DHX8: variants seen among roughly 807,000 people sequenced by gnomAD.
The protein encoded by DHX8 is ATP-dependent RNA helicase DHX8.
In DHX8, 67 loss-of-function variants were observed where a neutral mutation model predicts 140.7. The ratio of observed to expected loss-of-function variants is 0.48; its 90% CI spans 0.39 to 0.58. DHX8 has a LOEUF of 0.58. DHX8 is among the 20% of genes least tolerant of loss of function. The pLI is 0.00. For missense variants in DHX8, 887 were observed against 1,550.7 expected (o/e 0.57, Z 7.19); for synonymous variants, 533 against 553.2 (o/e 0.96, Z 0.51).
At chr17:43,534,955 A>G (rs1288815836) in intron 2 of DHX8, among the ~76,000 whole-genome samples, 2 of 152,212 alleles carry the variant, frequency 1.3e-5, no homozygotes, top group Admixed American at 6.5e-5. Flanking sequence ...ATAAATAAAT[A>G]AAAGAATCTT....
chr17:43,498,733 G>A (rs1969017260), intron 9 of DHX8, 129 bp from the exon 10 acceptor site: 5 of 642,442 alleles, frequency 7.8e-6, no homozygotes, highest in Admixed American at 3.2e-5. Flanking sequence ...ACAGGCGTGA[G>A]CCACCATGCC....
chr17:43,494,208 C>A (rs902541662), intron 8 of DHX8, among the ~76,000 whole-genome samples: 3 of 152,162 alleles, frequency 2.0e-5, no homozygotes, highest in Non-Finnish European at 4.4e-5. Flanking sequence ...TACTCACTAT[C>A]GTGACAACAG....
intron 2 of DHX8, 22 bp from the exon 3 acceptor site, chr17:43,490,369 C>A: frequency 6.2e-7 from 1 of 1,602,576 alleles, no homozygotes; most frequent in Non-Finnish European, 8.5e-7. Flanking sequence ...TGACAATTTT[C>A]GTTCTATGTT....
intron 19 of DHX8, 125 bp downstream of exon 19, chr17:43,520,392 GT>G: frequency 8.2e-7 from 1 of 1,217,746 alleles, no homozygotes; most frequent in Non-Finnish European, 1.1e-6. Context: ...CTAAATGTTT[GT>G]TTTTAACCTG....
rs60214474 is a variant in DHX8, at chr17:43,543,276, A to ACTCTCTCTCT, written c.*21-874_*21-865dup. ...AGCAGCATGTAACTAACACACACAC[A>ACTCTCTCTCT]CTCTCTCTCTCTCTCTCTCTCACAC... On this transcript the variant is annotated intron_variant, in intron 3 of 3. Transcript: ENST00000589898. Among the ~76,000 whole-genome samples the ACTCTCTCTCT allele has an allele frequency of 9.4e-3, 1,295 of 138,234 alleles. 10 individuals carry two copies. The highest frequency in any genetic ancestry group is 0.023 in the African/African-American group (836 of 36,694). The allele number at this position is 138,234 out of a possible 152,430, so 90.7% of individuals were successfully genotyped here.
At chr17:43,501,047 G>T (rs1969164251) in intron 11 of DHX8, among the ~76,000 whole-genome samples, 1 of 151,806 alleles carries the variant, frequency 6.6e-6, no homozygotes, top group Admixed American at 6.6e-5. Flanking sequence ...GGCAACTGGG[G>T]ATACGATTTG....
At position 43,504,726 on chromosome 17, in the gene DHX8, TG is replaced by T. The variant is rs1969392678; in HGVS notation, c.1634del (p.Gly545AlafsTer26). On this transcript the variant is annotated frameshift_variant, in exon 12 of 23. Coordinates refer to ENST00000262415, the MANE Select transcript of DHX8 (RefSeq NM_004941.3). LOFTEE classifies it high-confidence loss of function. ...TTCCTGAGTGGAAGAAGCATGCCTT[TG>T]GGGGCAACAAAGCCTCTTACGGAAA... ...DIPEWKKHAF[G>X]GNKASYGKKT... The T allele has an allele frequency of 6.2e-7, 1 of 1,614,024 alleles. No homozygotes were observed. The highest frequency in any genetic ancestry group is 1.3e-5 in the African/African-American group (1 of 74,916).
chr17:43,497,383 T>A (rs1276003533), intron 9 of DHX8, among the ~76,000 whole-genome samples: 1 of 152,236 alleles, frequency 6.6e-6, no homozygotes, highest in Non-Finnish European at 1.5e-5. Context: ...TCTTTGTGAA[T>A]AATAGTATTT....
downstream of DHX8, chr17:43,526,171 C>T (rs2154586968): frequency 1.0e-6 from 1 of 985,402 alleles, no homozygotes; most frequent in East Asian, 1.1e-4. Context: ...GGGAGCTTGC[C>T]TGCTGCTCTC....
intron 20 of DHX8, 119 bp downstream of exon 20, chr17:43,520,998 TCTCA>T: frequency 1.3e-6 from 1 of 773,530 alleles, no homozygotes; most frequent in East Asian, 3.0e-5. Context: ...TGAGATGGAG[TCTCA>T]CTCTGTTGCC....
chr17:43,526,280 C>T (rs1970613113), downstream of DHX8: 2 of 1,357,952 alleles, frequency 1.5e-6, no homozygotes, highest in Admixed American at 3.0e-5. Flanking sequence ...GAGCTGGGAT[C>T]TTCTTGGCCA....
chr17:43,493,319 C>T (rs1464510434), intron 6 of DHX8, 126 bp from the exon 7 acceptor site: 2 of 1,331,646 alleles, frequency 1.5e-6, no homozygotes, highest in Non-Finnish European at 1.0e-6. Flanking sequence ...TATTGTTTGA[C>T]CACCTTCATG....
chr17:43,530,291 C>G, downstream of DHX8: 2 of 1,515,162 alleles, frequency 1.3e-6, no homozygotes, highest in Non-Finnish European at 1.8e-6. Flanking sequence ...AGCCTGCTTC[C>G]TGGTGACTGT....
chr17:43,513,591 T>A, intron 17 of DHX8, 89 bp downstream of exon 17: 2 of 1,424,568 alleles, frequency 1.4e-6, no homozygotes, highest in Non-Finnish European at 1.9e-6. Context: ...CAAACTTGTT[T>A]TCAAAGATGA....
intron 18 of DHX8, 52 bp from the exon 19 acceptor site, chr17:43,520,078 A>T: frequency 6.2e-7 from 1 of 1,603,946 alleles, no homozygotes; most frequent in African/African-American, 1.3e-5. Flanking sequence ...CCACATGCTG[A>T]CACTGGCTAG....
At chr17:43,538,218 A>C (rs1971347398) in intron 3 of DHX8, among the ~76,000 whole-genome samples, 1 of 151,864 alleles carries the variant, frequency 6.6e-6, no homozygotes, top group Non-Finnish European at 1.5e-5. Context: ...GAGACAGGAG[A>C]ATAACTTGAA....
chr17:43,498,032 A>C (rs1968962344), intron 9 of DHX8, among the ~76,000 whole-genome samples: 1 of 152,082 alleles, frequency 6.6e-6, no homozygotes, highest in African/African-American at 2.4e-5. Context: ...AGTAGGTCTG[A>C]TCAGTTCTTG....
chr17:43,529,992 C>T, downstream of DHX8: 6 of 1,613,212 alleles, frequency 3.7e-6, no homozygotes, highest in South Asian at 5.5e-5. Context: ...TCTGGGGGTT[C>T]ACCGATGAGA....
At chr17:43,510,728 A>G (rs1432956569) in intron 16 of DHX8, among the ~76,000 whole-genome samples, 4 of 152,204 alleles carry the variant, frequency 2.6e-5, no homozygotes, top group Admixed American at 1.3e-4. Context: ...TATATTTAGA[A>G]CAATTTTATC....
Sources: gnomAD v4.1 joint callset for allele counts (sites outside exome capture counted in the v4.1 genomes callset) on GRCh38, gnomAD v4.1.1 for gene constraint, MANE v1.5 for transcripts, NCBI Gene and HGNC (gene_info 2026-07-23, HGNC 2026-07-21) for gene names.